Variants in KATNAL1 observed in about 807,000 individuals in gnomAD.
KATNAL1 encodes katanin catalytic subunit A1 like 1, also known as katanin p60 ATPase-containing subunit A-like 1.
Under a neutral mutation model 55.2 loss-of-function variants are expected in KATNAL1, and 32 were observed. That is an observed-to-expected ratio of 0.58 (90% CI 0.44 to 0.78). KATNAL1 has a LOEUF of 0.78. KATNAL1 is among the 30% of genes least tolerant of loss of function. The pLI is 0.00. For synonymous variants in KATNAL1, 193 were observed against 193.6 expected (o/e 1.00, Z 0.02); for missense variants, 466 against 600.9 (o/e 0.78, Z 2.35).
chr13:30,219,949 T>C (rs963195199), intron 9 of KATNAL1, among the ~76,000 whole-genome samples: 1 of 152,212 alleles, frequency 6.6e-6, no homozygotes, highest in African/African-American at 2.4e-5. Flanking sequence ...GTTCAGAAAC[T>C]TGCTGTCATC....
At chr13:30,248,198 G>GC (rs1877970291) in intron 4 of KATNAL1, among the ~76,000 whole-genome samples, 1 of 152,110 alleles carries the variant, frequency 6.6e-6, no homozygotes, top group African/African-American at 2.4e-5. Context: ...ATATTTGAAT[G>GC]CAACTCTTCC....
intron 1 of KATNAL1, among the ~76,000 whole-genome samples, chr13:30,294,489 T>G (rs1882347750): frequency 6.6e-6 from 1 of 151,856 alleles, no homozygotes; most frequent in African/African-American, 2.4e-5. Context: ...CTGAAAGAGG[T>G]GAGGATGCTG....
chr13:30,241,572 T>C (rs1877285009), intron 4 of KATNAL1, among the ~76,000 whole-genome samples: 2 of 152,212 alleles, frequency 1.3e-5, no homozygotes, highest in Admixed American at 6.5e-5. Flanking sequence ...TCACACAGCT[T>C]TGACGAGCTT....
At position 30,302,733 on chromosome 13, in the gene KATNAL1, T is replaced by C. The variant is rs928738671; in HGVS notation, c.-15+4598A>G. Among the ~76,000 whole-genome samples, 7 of 152,200 alleles carry C rather than the reference T, an allele frequency of 4.6e-5. No homozygotes were observed. In the East Asian group the frequency reaches 1.3e-3, roughly 29 times the overall value. On this transcript the variant is annotated intron_variant, in intron 1 of 10. Coordinates refer to ENST00000380615, the MANE Select transcript of KATNAL1 (RefSeq NM_032116.5). The stretch of plus-strand genomic sequence containing the variant: ...CAAGAGTGAGTATACCAAAACTAGT[T>C]TGAGCACTGACTGAAATGTAACATC...
chr13:30,210,286 G>A (rs1566082037), intron 10 of KATNAL1, 30 bp downstream of exon 10: 1 of 1,563,702 alleles, frequency 6.4e-7, no homozygotes, highest in East Asian at 2.4e-5. Context: ...TATAACTAAT[G>A]TCTAAAATCA....
At chr13:30,306,931 G>C (rs1201744934) in intron 1 of KATNAL1, 1 of 152,480 alleles carries the variant, frequency 6.6e-6, no homozygotes, top group Non-Finnish European at 1.5e-5. Context: ...CGGGAAGCCC[G>C]AGGCTCACCT....
At chr13:30,270,319 G>A (rs1454871763) in intron 3 of KATNAL1, among the ~76,000 whole-genome samples, 9 of 150,768 alleles carry the variant, frequency 6.0e-5, no homozygotes, top group Non-Finnish European at 1.2e-4. Context: ...CCCCCCGCCC[G>A]GCCAGCCGCC....
Position 30,296,333 on chromosome 13 carries a change from G to T in KATNAL1, c.-15+10998C>A, listed in dbSNP as rs527706121. ...GATCACTGCAGTCAGCAGCCATGCC[G>T]AGGACTTCCGCAAGCTGGGCTGCGA... On this transcript the variant is annotated intron_variant, in intron 1 of 10. Coordinates refer to ENST00000380615, the MANE Select transcript of KATNAL1 (RefSeq NM_032116.5). The T allele has an allele frequency of 1.2e-5, 14 of 1,151,126 alleles. No homozygotes were observed. In the Admixed American group the frequency reaches 1.3e-4, roughly 11 times the overall value. 71.3% of individuals were successfully genotyped at this position (1,151,126 alleles called of 1,614,324 possible).
intron 4 of KATNAL1, among the ~76,000 whole-genome samples, chr13:30,253,123 C>T (rs1001338827): frequency 7.9e-5 from 12 of 152,184 alleles, no homozygotes; most frequent in African/African-American, 2.7e-4. Flanking sequence ...CAAAACCTAT[C>T]GCAGCCTTCA....
In KATNAL1 at chr13:30,203,195, C is replaced by T. The variant is rs1314644475; in HGVS notation, c.*5345G>A. ...AAGTAATTCAGACATTTCACAGAGGCCTTATTTGGAATACAAACACTTTGC... is the reference window on the plus strand; with the variant it reads ...AAGTAATTCAGACATTTCACAGAGGTCTTATTTGGAATACAAACACTTTGC... On this transcript the variant is annotated 3_prime_UTR_variant, in exon 11 of 11. Coordinates refer to ENST00000380615, the MANE Select transcript of KATNAL1 (RefSeq NM_032116.5). 1 of 151,962 alleles carries T rather than the reference C, an allele frequency of 6.6e-6. No homozygotes were observed. The highest frequency in any genetic ancestry group is 2.4e-5 in the African/African-American group (1 of 41,366). The allele number at this position is 151,962 out of a possible 1,614,324, so 9.4% of individuals were successfully genotyped here. A position where few individuals can be genotyped will look rare whatever the true frequency, so the allele number is the denominator to read the frequency against.
At chr13:30,272,377 G>A (rs908840834) in intron 3 of KATNAL1, among the ~76,000 whole-genome samples, 12 of 151,908 alleles carry the variant, frequency 7.9e-5, no homozygotes, top group South Asian at 6.2e-4. Flanking sequence ...CAGCCTGGGC[G>A]ACACAGCAAG....
intron 3 of KATNAL1, among the ~76,000 whole-genome samples, chr13:30,261,315 G>A (rs965148322): frequency 1.6e-4 from 24 of 151,186 alleles, no homozygotes; most frequent in African/African-American, 3.9e-4. Flanking sequence ...ATCAACTAAC[G>A]AGCAAAATAA....
At chr13:30,214,327 C>T (rs958973564) in intron 9 of KATNAL1, among the ~76,000 whole-genome samples, 6 of 152,010 alleles carry the variant, frequency 3.9e-5, no homozygotes, top group Non-Finnish European at 7.4e-5. Context: ...GAATCAATAT[C>T]GTGAAAATGG....
intron 4 of KATNAL1, among the ~76,000 whole-genome samples, chr13:30,244,725 T>C (rs1593878763): frequency 6.6e-6 from 1 of 152,160 alleles, no homozygotes; most frequent in African/African-American, 2.4e-5. Context: ...ATATCACCAC[T>C]GATTCCACAG....
chr13:30,304,691 T>G (rs1883074605), intron 1 of KATNAL1, among the ~76,000 whole-genome samples: 1 of 152,164 alleles, frequency 6.6e-6, no homozygotes, highest in Admixed American at 6.5e-5. Context: ...ATATGCAAAC[T>G]TCTAACTCCA....
intron 9 of KATNAL1, among the ~76,000 whole-genome samples, chr13:30,221,530 T>C (rs1366775391): frequency 2.0e-5 from 3 of 152,174 alleles, no homozygotes; most frequent in Admixed American, 6.5e-5. Context: ...AAACAAATGA[T>C]TCAATTGCTA....
chr13:30,277,948 A>C (rs1880974235), intron 3 of KATNAL1, among the ~76,000 whole-genome samples: 1 of 131,840 alleles, frequency 7.6e-6, no homozygotes, highest in Non-Finnish European at 1.5e-5. Flanking sequence ...GCGCCACTGC[A>C]CTCCAGCCTG....
chr13:30,296,073 T>G, intron 1 of KATNAL1: 1 of 273,578 alleles, frequency 3.7e-6, no homozygotes. Context: ...ATTAGTCACA[T>G]GGGCACTGAG....
intron 10 of KATNAL1, 44 bp downstream of exon 10, chr13:30,210,272 A>G (rs1873549463): frequency 6.6e-7 from 1 of 1,511,320 alleles, no homozygotes; most frequent in Non-Finnish European, 8.9e-7. Context: ...CCTCCTGCGA[A>G]GTCTATAACT....
Sources: allele counts gnomAD v4.1 joint callset (sites outside exome capture counted in the v4.1 genomes callset), GRCh38; gene constraint gnomAD v4.1.1; transcripts MANE v1.5; gene names NCBI Gene and HGNC (gene_info 2026-07-23, HGNC 2026-07-21).